The following SAP130 variants were observed in gnomAD, a reference collection of about 807,000 sequenced individuals.
SAP130 encodes the protein histone deacetylase complex subunit SAP130.
A neutral mutation model predicts 103.2 loss-of-function variants in SAP130; 16 were observed. The observed-to-expected ratio is 0.16, with a 90% CI of 0.10 to 0.24. The LOEUF (loss-of-function observed/expected upper bound fraction) is 0.24, where lower values mean the gene tolerates loss of function less well. Among genes scored for constraint, SAP130 ranks in the 10% least tolerant of loss-of-function variants. The pLI is 1.00. For missense variants in SAP130, 990 were observed against 1,359.7 expected, an observed-to-expected ratio of 0.73 and a Z score of 4.28; for synonymous variants, 477 against 497.0, an observed-to-expected ratio of 0.96 and a Z score of 0.53.
chr2:127,967,557 C>A (rs934676559), intron 15 of SAP130, among the ~76,000 whole-genome samples: 5 of 152,172 alleles, frequency 3.3e-5, no homozygotes, highest in Non-Finnish European at 5.9e-5. Context: ...CACCACCATG[C>A]GCAGCTAATT....
At position 127,963,007 on chromosome 2, in the gene SAP130, GA is replaced by G. The variant is rs35587743; in HGVS notation, c.2064-7664del. Reference sequence around the variant, plus strand: ...AAAAATAAATTGTATATAAATGTCTGAAAAAAAAAAGAAAAAACAAAAAGGT... The same window carrying G: ...AAAAATAAATTGTATATAAATGTCTGAAAAAAAAAGAAAAAACAAAAAGGT... On this transcript the variant is annotated intron_variant, in intron 15 of 20. Transcript: ENST00000643581. 1.6e-4 allele frequency among the ~76,000 whole-genome samples: 24 copies of G among 146,966 alleles called. 1 individual carries two copies. The highest frequency in any genetic ancestry group is 3.5e-4 in the African/African-American group (14 of 40,284).
At chr2:127,977,838 T>C (rs1681579174) in intron 15 of SAP130, 147 bp downstream of exon 15, 2 of 635,100 alleles carry the variant, frequency 3.1e-6, no homozygotes, top group Admixed American at 2.6e-5. Flanking sequence ...GTTACAATTT[T>C]CTATGATGGC....
At position 127,953,563 on chromosome 2, in the gene SAP130, A is replaced by C. The variant is rs1172226310; in HGVS notation, c.2422+1423T>G. Reference sequence around the variant, plus strand: ...AACAGCCTGTGGGCCCTGTTCTACCATGATCTGATCCTGCTGCCTGCCACT... The same window carrying C: ...AACAGCCTGTGGGCCCTGTTCTACCCTGATCTGATCCTGCTGCCTGCCACT... On this transcript the variant is annotated intron_variant, in intron 16 of 20. Coordinates refer to ENST00000643581, the MANE Select transcript of SAP130 (RefSeq NM_001330301.2). The surrounding 1 kb of genome is among the most constrained non-coding windows in gnomAD (Gnocchi z 4.0). 6.6e-6 allele frequency among the ~76,000 whole-genome samples: 1 copy of C among 152,160 alleles called. No individual in the cohort carries two copies. The highest frequency in any genetic ancestry group is 1.5e-5 in the Non-Finnish European group (1 of 68,018).
chr2:127,990,756 C>T (rs1244084461), intron 12 of SAP130, among the ~76,000 whole-genome samples: 1 of 152,038 alleles, frequency 6.6e-6, no homozygotes, highest in East Asian at 1.9e-4. Context: ...GCCTGGGCAA[C>T]ATGGCAAGAC....
intron 14 of SAP130, among the ~76,000 whole-genome samples, chr2:127,985,731 T>C (rs1682332237): frequency 6.6e-6 from 1 of 151,776 alleles, no homozygotes; most frequent in African/African-American, 2.4e-5. Flanking sequence ...CATTTTTGTT[T>C]TCCTGCCCAA....
intron 15 of SAP130, among the ~76,000 whole-genome samples, chr2:127,962,560 G>A (rs1680332303): frequency 6.6e-6 from 1 of 152,136 alleles, no homozygotes; most frequent in African/African-American, 2.4e-5. Flanking sequence ...AAAAAATGAT[G>A]AGTTCATGTC....
Position 127,991,584 on chromosome 2 carries a change from A to G in SAP130, c.1477+1603T>C, listed in dbSNP as rs574096684. ...CTGGTCTCAAGCGACCTTCCTCCTC[A>G]GCCTCCCAAAGTGCTAGGGTTATAG... On this transcript the variant is annotated intron_variant, in intron 12 of 20. Coordinates refer to ENST00000643581, the MANE Select transcript of SAP130 (RefSeq NM_001330301.2). Among the ~76,000 whole-genome samples, 463 of 152,236 alleles carry G rather than the reference A, an allele frequency of 3.0e-3. 6 individuals carry two copies. Among genetic ancestry groups the G allele is most frequent in the African/African-American group, 0.01 (416 of 41,554 alleles).
intron 1 of SAP130, chr2:128,027,063 A>G: frequency 7.1e-7 from 1 of 1,407,600 alleles, no homozygotes; most frequent in Non-Finnish European, 9.4e-7. Flanking sequence ...TGGGGACCCG[A>G]CCACAAGACG....
chr2:128,003,957 C>CTTTTTT (rs61211577), intron 7 of SAP130, among the ~76,000 whole-genome samples: 2,306 of 67,872 alleles, frequency 0.034, 422 homozygotes, highest in Non-Finnish European at 0.044. Context: ...CACAGATCAG[C>CTTTTTT]TTTTTTTTTT....
chr2:128,018,969 A>G (rs1288008066), intron 2 of SAP130, among the ~76,000 whole-genome samples: 1 of 151,672 alleles, frequency 6.6e-6, no homozygotes, highest in Non-Finnish European at 1.5e-5. Context: ...GTGGTGGTAC[A>G]CACCTATAAT....
rs1292449304 is a variant in SAP130 at position 128,026,169 on chromosome 2, TAC to T, written c.112+10_112+11del. Reference sequence around the variant, plus strand: ...AGTAGGAAAAAATATATTAGAATATTACATATCTCACCTGTAGCAGCTGGGTT... The same window carrying T: ...AGTAGGAAAAAATATATTAGAATATTATATCTCACCTGTAGCAGCTGGGTT... On this transcript the variant is annotated intron_variant, in intron 2 of 20. Coordinates refer to ENST00000643581, the MANE Select transcript of SAP130 (RefSeq NM_001330301.2). 6.4e-7 allele frequency: 1 copy of T among 1,550,454 alleles called. No homozygotes were observed. Among genetic ancestry groups the T allele is most frequent in the Non-Finnish European group, 8.9e-7 (1 of 1,124,218 alleles).
intron 2 of SAP130, among the ~76,000 whole-genome samples, chr2:128,025,377 C>A (rs1221649252): frequency 1.4e-4 from 22 of 152,212 alleles, no homozygotes. Flanking sequence ...TCCCCAAACA[C>A]CTGTCACTGA....
intron 2 of SAP130, among the ~76,000 whole-genome samples, chr2:128,021,166 T>A (rs1275082498): frequency 6.6e-6 from 1 of 150,952 alleles, no homozygotes; most frequent in Non-Finnish European, 1.5e-5. Flanking sequence ...AAGAGTGATG[T>A]GGCCGGGCGT....
intron 18 of SAP130, among the ~76,000 whole-genome samples, chr2:127,946,536 T>C (rs1439702943): frequency 3.9e-5 from 6 of 152,060 alleles, no homozygotes; most frequent in Non-Finnish European, 2.9e-5. Flanking sequence ...TGAATGGTTT[T>C]CCCCCCAAAG....
chr2:127,979,136 G>T (rs544452543), intron 14 of SAP130, among the ~76,000 whole-genome samples: 1 of 152,180 alleles, frequency 6.6e-6, no homozygotes, highest in Admixed American at 6.6e-5. Flanking sequence ...GTAACAGAAA[G>T]GGAAGGGAGA....
At position 127,999,393 on chromosome 2, in the gene SAP130, T is replaced by C. The variant is rs376798990; in HGVS notation, c.1213+348A>G. 3.4e-4 allele frequency among the ~76,000 whole-genome samples: 51 copies of C among 152,010 alleles called. 1 individual carries two copies. The South Asian group carries it at 6.4e-3, about 19-fold the overall frequency. ...TTGGGAGGCCGAGGCGGGCAGATCATGAGGTCAAGACCAGCCTGGCCAACG... is the reference window on the plus strand; with the variant it reads ...TTGGGAGGCCGAGGCGGGCAGATCACGAGGTCAAGACCAGCCTGGCCAACG... On this transcript the variant is annotated intron_variant, in intron 10 of 20. Coordinates refer to ENST00000643581, the MANE Select transcript of SAP130 (RefSeq NM_001330301.2).
At chr2:128,017,466 C>G (rs1183107173) in intron 3 of SAP130, among the ~76,000 whole-genome samples, 1 of 152,012 alleles carries the variant, frequency 6.6e-6, no homozygotes, top group Non-Finnish European at 1.5e-5. Context: ...AAATGGATAA[C>G]AGCAAAGATC....
At chr2:127,985,077 T>C (rs1682275488) in intron 14 of SAP130, among the ~76,000 whole-genome samples, 1 of 152,264 alleles carries the variant, frequency 6.6e-6, no homozygotes, top group Admixed American at 6.5e-5. Context: ...CGCCATCGCG[T>C]GATGGTCTGC....
At position 127,941,963 on chromosome 2, in the gene SAP130, C is replaced by T; in HGVS notation, c.*43G>A. ...AAAACCCTCCCCCCACCCCCACCAT[C>T]ATTCTTCATAAATTTGCTTCCAATC... On this transcript the variant is annotated 3_prime_UTR_variant, in exon 21 of 21. Coordinates refer to ENST00000643581, the MANE Select transcript of SAP130 (RefSeq NM_001330301.2). The T allele has an allele frequency of 2.3e-6, 1 of 426,314 alleles. No homozygotes were observed. The highest frequency in any genetic ancestry group is 4.0e-6 in the Non-Finnish European group (1 of 247,572). 26.4% of individuals were successfully genotyped at this position (426,314 alleles called of 1,614,324 possible).
Sources: allele counts gnomAD v4.1 joint callset (sites outside exome capture counted in the v4.1 genomes callset), GRCh38; gene constraint gnomAD v4.1.1; non-coding constraint Gnocchi (gnomAD v3.1); transcripts MANE v1.5; gene names NCBI Gene and HGNC (gene_info 2026-07-23, HGNC 2026-07-21).